Variants in CHCHD3 observed in about 807,000 individuals in gnomAD.
CHCHD3 encodes MICOS complex subunit MIC19.
In CHCHD3, 20 loss-of-function variants were observed where a neutral mutation model predicts 38.2. The ratio of observed to expected loss-of-function variants is 0.52; its 90% confidence interval spans 0.37 to 0.76. The LOEUF is 0.76. CHCHD3 is among the 30% of genes least tolerant of loss of function. The pLI is 0.00. For missense variants in CHCHD3, 245 were observed against 279.2 expected (o/e 0.88, Z 0.87); for synonymous variants, 82 against 100.0 (o/e 0.82, Z 1.07).
intron 3 of CHCHD3, among the ~76,000 whole-genome samples, chr7:133,016,684 A>C (rs1411259843): frequency 6.6e-6 from 1 of 152,202 alleles, no homozygotes; most frequent in Non-Finnish European, 1.5e-5. Context: ...GCTCGAGGCT[A>C]TATTGGCAAA....
chr7:132,840,168 C>G (rs1032794410), intron 5 of CHCHD3, among the ~76,000 whole-genome samples: 7 of 152,228 alleles, frequency 4.6e-5, no homozygotes, highest in African/African-American at 1.7e-4. Flanking sequence ...ACCTTCCTAT[C>G]TGTTTCACTT....
At chr7:132,820,015 A>G (rs1807304320) in intron 6 of CHCHD3, among the ~76,000 whole-genome samples, 3 of 152,220 alleles carry the variant, frequency 2.0e-5, no homozygotes, top group South Asian at 2.1e-4. Flanking sequence ...CCCAACTTCT[A>G]TATTATGATT....
intron 4 of CHCHD3, among the ~76,000 whole-genome samples, chr7:132,927,817 C>T (rs755413795): frequency 6.6e-6 from 1 of 152,180 alleles, no homozygotes; most frequent in Non-Finnish European, 1.5e-5. Flanking sequence ...ACAAATCTGT[C>T]AGACGTCTTT....
rs1402941734 is a variant in CHCHD3, at chr7:132,885,659, T to C, written c.453+3A>G. 1.9e-6 allele frequency: 3 copies of C among 1,597,006 alleles called. No homozygotes were observed. Among genetic ancestry groups the C allele is most frequent in the African/African-American group, 1.4e-5 (1 of 73,878 alleles). On this transcript the variant is annotated splice_donor_region_variant and intron_variant, in intron 5 of 7. Transcript: ENST00000262570. The stretch of plus-strand genomic sequence containing the variant: ...TAGAATCAATGATAAAAAATAGTCA[T>C]ACCCTCTCCTCCAGTCTAGCCAGCT...
intron 2 of CHCHD3, among the ~76,000 whole-genome samples, chr7:133,051,389 C>A (rs1044264135): frequency 6.6e-6 from 1 of 152,176 alleles, no homozygotes. Flanking sequence ...TAAATTTAGA[C>A]CTACCAACCT....
At chr7:132,872,718 A>G (rs1808796061) in intron 5 of CHCHD3, among the ~76,000 whole-genome samples, 1 of 152,214 alleles carries the variant, frequency 6.6e-6, no homozygotes, top group Admixed American at 6.5e-5. Flanking sequence ...CCAAGTATGA[A>G]TGTTGCTGAG....
intron 4 of CHCHD3, among the ~76,000 whole-genome samples, chr7:132,947,257 G>A (rs114965993): frequency 0.019 from 2,863 of 152,016 alleles, 103 homozygotes; most frequent in African/African-American, 0.065. Context: ...AAGCCATGTA[G>A]TAGAAATAAC....
At chr7:132,857,511 G>A (rs950966807) in intron 5 of CHCHD3, among the ~76,000 whole-genome samples, 13 of 152,044 alleles carry the variant, frequency 8.6e-5, no homozygotes, top group African/African-American at 3.1e-4. Flanking sequence ...AGGTTCAAGC[G>A]ATTCTCCTGC....
At chr7:132,824,541 C>G (rs1381863267) in intron 6 of CHCHD3, among the ~76,000 whole-genome samples, 1 of 152,074 alleles carries the variant, frequency 6.6e-6, no homozygotes, top group Non-Finnish European at 1.5e-5. Flanking sequence ...GTCTCGATTT[C>G]CTGACCTTGT....
At chr7:133,064,884 C>A (rs1312578428) in intron 2 of CHCHD3, among the ~76,000 whole-genome samples, 1 of 152,110 alleles carries the variant, frequency 6.6e-6, no homozygotes, top group Non-Finnish European at 1.5e-5. Context: ...CATTTCCTGT[C>A]TGTTTCTTCA....
At chr7:132,870,445 C>T (rs994154514) in intron 5 of CHCHD3, among the ~76,000 whole-genome samples, 1 of 152,084 alleles carries the variant, frequency 6.6e-6, no homozygotes, top group Admixed American at 6.5e-5. Context: ...GCTTTCTCCC[C>T]GCAACAAGCT....
At chr7:132,908,052 G>A (rs892128253) in intron 4 of CHCHD3, among the ~76,000 whole-genome samples, 2 of 151,744 alleles carry the variant, frequency 1.3e-5, no homozygotes, top group Non-Finnish European at 2.9e-5. Context: ...GATAGGCCAC[G>A]GATATATTTA....
chr7:132,880,863 T>C (rs999187830), intron 5 of CHCHD3, among the ~76,000 whole-genome samples: 10 of 152,160 alleles, frequency 6.6e-5, no homozygotes, highest in African/African-American at 2.4e-4. Flanking sequence ...GACTACTTCG[T>C]AGAAACACTT....
At chr7:133,070,025 TA>T in intron 2 of CHCHD3, 116 bp downstream of exon 2, 1 of 686,010 alleles carries the variant, frequency 1.5e-6, no homozygotes, top group Non-Finnish European at 2.4e-6. Context: ...TATTCCTTAT[TA>T]AAAGCTAAAC....
intron 1 of CHCHD3, among the ~76,000 whole-genome samples, chr7:133,075,321 G>A (rs527326016): frequency 6.6e-6 from 1 of 152,074 alleles, no homozygotes; most frequent in Non-Finnish European, 1.5e-5. Context: ...TAAACATATT[G>A]TACGGCTGCC....
intron 6 of CHCHD3, among the ~76,000 whole-genome samples, chr7:132,803,530 T>C (rs1328785015): frequency 6.6e-6 from 1 of 152,216 alleles, no homozygotes; most frequent in Admixed American, 6.5e-5. Context: ...ATTCTACTTA[T>C]GGTGATACCC....
chr7:132,899,628 A>G (rs1809614571), intron 4 of CHCHD3, among the ~76,000 whole-genome samples: 1 of 152,250 alleles, frequency 6.6e-6, no homozygotes, highest in African/African-American at 2.4e-5. Flanking sequence ...GGCCAGGCAG[A>G]GTAAATCCGA....
rs552989858 is a variant in CHCHD3, at chr7:132,928,734, A to T, written c.370-42989T>A. Among the ~76,000 whole-genome samples the T allele has an allele frequency of 2.0e-5, 3 of 152,234 alleles. No homozygotes were observed. In the South Asian group the frequency reaches 6.2e-4, roughly 32 times the overall value. ...AATAAAATAAATAGACTCAGCATTA[A>T]CGTAGAAGGATACAAAATATCAATA... On this transcript the variant is annotated intron_variant, in intron 4 of 7. Transcript: ENST00000262570.
chr7:133,025,084 G>T (rs906625748), intron 2 of CHCHD3, among the ~76,000 whole-genome samples: 1 of 152,132 alleles, frequency 6.6e-6, no homozygotes, highest in Non-Finnish European at 1.5e-5. Context: ...ATCATTTATA[G>T]TTACATTCAT....
Sources: allele counts gnomAD v4.1 joint callset (sites outside exome capture counted in the v4.1 genomes callset), GRCh38; gene constraint gnomAD v4.1.1; transcripts MANE v1.5; gene names NCBI Gene and HGNC (gene_info 2026-07-23, HGNC 2026-07-21).